ST18: variants seen among roughly 807,000 people sequenced by gnomAD.
The protein encoded by ST18 is ST18 C2H2C-type zinc finger transcription factor.
ST18 carries 50 observed loss-of-function variants against 110.0 expected under a neutral mutation model. That is an observed-to-expected ratio of 0.45 (90% CI 0.36 to 0.58). The LOEUF (loss-of-function observed/expected upper bound fraction) is 0.58, where lower values mean the gene tolerates loss of function less well. Among genes scored for constraint, ST18 ranks in the 20% least tolerant of loss-of-function variants. The pLI, the probability that ST18 is intolerant of heterozygous loss-of-function variation, is 0.00. For synonymous variants in ST18, 461 were observed against 452.4 expected, an observed-to-expected ratio of 1.02 and a Z score of -0.24; for missense variants, 1,306 against 1,280.1, an observed-to-expected ratio of 1.02 and a Z score of -0.31.
chr8:52,272,208 G>A (rs2095097822), intron 2 of ST18, among the ~76,000 whole-genome samples: 1 of 152,062 alleles, frequency 6.6e-6, no homozygotes, highest in African/African-American at 2.4e-5. Flanking sequence ...AAACAAATGA[G>A]ACTAAGTCAA....
chr8:52,296,913 T>C (rs1001567187), intron 2 of ST18, among the ~76,000 whole-genome samples: 9 of 152,174 alleles, frequency 5.9e-5, no homozygotes, highest in African/African-American at 2.2e-4. Context: ...TTTCTAAGTA[T>C]GAATTCCTAA....
chr8:52,334,145 C>T (rs1810960078), intron 2 of ST18, among the ~76,000 whole-genome samples: 1 of 152,182 alleles, frequency 6.6e-6, no homozygotes, highest in Non-Finnish European at 1.5e-5. Flanking sequence ...CCACAGAATC[C>T]CTATTTAGTT....
intron 2 of ST18, among the ~76,000 whole-genome samples, chr8:52,365,429 G>A (rs1827475337): frequency 6.6e-6 from 1 of 152,002 alleles, no homozygotes; most frequent in East Asian, 1.9e-4. Context: ...TAAAAATGAG[G>A]AGTTGAGTTA....
chr8:52,290,839 C>T (rs1042790120), intron 2 of ST18, among the ~76,000 whole-genome samples: 2 of 152,192 alleles, frequency 1.3e-5, no homozygotes, highest in African/African-American at 4.8e-5. Flanking sequence ...CCCTGACTTC[C>T]TCATTACCAC....
chr8:52,329,614 G>A (rs1808202955), intron 2 of ST18, among the ~76,000 whole-genome samples: 1 of 152,122 alleles, frequency 6.6e-6, no homozygotes, highest in East Asian at 1.9e-4. Flanking sequence ...AATTATCCAG[G>A]CATTGTGGTG....
intron 2 of ST18, among the ~76,000 whole-genome samples, chr8:52,339,487 G>A (rs993574708): frequency 1.8e-4 from 28 of 152,186 alleles, no homozygotes; most frequent in African/African-American, 3.6e-4. Context: ...TGCAGGGCAC[G>A]TACAGCAGGG....
At chr8:52,125,232 G>A (rs1374384620) in intron 23 of ST18, among the ~76,000 whole-genome samples, 1 of 152,164 alleles carries the variant, frequency 6.6e-6, no homozygotes, top group Non-Finnish European at 1.5e-5. Context: ...AAATGTAGAT[G>A]TAGGTAAAGA....
chr8:52,379,999 C>T (rs547299002), intron 2 of ST18, among the ~76,000 whole-genome samples: 3 of 152,110 alleles, frequency 2.0e-5, no homozygotes, highest in East Asian at 1.9e-4. Flanking sequence ...TGGTAAAAAG[C>T]GATCTCTCAT....
At chr8:52,228,996 A>C (rs2090457834) in intron 3 of ST18, among the ~76,000 whole-genome samples, 1 of 152,208 alleles carries the variant, frequency 6.6e-6, no homozygotes, top group South Asian at 2.1e-4. Flanking sequence ...ATTTCTGATG[A>C]AGAAGGGGTG....
intron 2 of ST18, among the ~76,000 whole-genome samples, chr8:52,312,974 G>A (rs201522464): frequency 2.6e-5 from 4 of 152,134 alleles, no homozygotes; most frequent in Non-Finnish European, 4.4e-5. Context: ...ACCACAGGAC[G>A]CCAAGTATCT....
intron 2 of ST18, among the ~76,000 whole-genome samples, chr8:52,241,267 A>T (rs754756009): frequency 1.3e-5 from 2 of 152,208 alleles, no homozygotes; most frequent in African/African-American, 4.8e-5. Flanking sequence ...ATGTTTGTTG[A>T]ATGGATGGAT....
At chr8:52,316,060 G>C (rs370225388) in intron 2 of ST18, among the ~76,000 whole-genome samples, 35 of 152,252 alleles carry the variant, frequency 2.3e-4, no homozygotes, top group Middle Eastern at 3.4e-3. Context: ...TAGGTGAAAG[G>C]TATCAATTGT....
intron 2 of ST18, among the ~76,000 whole-genome samples, chr8:52,391,138 G>C (rs1839186160): frequency 6.6e-6 from 1 of 152,152 alleles, no homozygotes; most frequent in Admixed American, 6.5e-5. Flanking sequence ...CTTCCTCCCT[G>C]TCCTACCAGG....
At chr8:52,302,680 C>G (rs922645966) in intron 2 of ST18, among the ~76,000 whole-genome samples, 13 of 152,162 alleles carry the variant, frequency 8.5e-5, no homozygotes, top group Admixed American at 6.5e-5. Context: ...CAAAAGGACA[C>G]GAAGCCAGCT....
At chr8:52,191,263 G>C (rs1247475914) in intron 8 of ST18, among the ~76,000 whole-genome samples, 1 of 152,178 alleles carries the variant, frequency 6.6e-6, no homozygotes, top group African/African-American at 2.4e-5. Context: ...CAGGGGACTG[G>C]AGCAAGGCCA....
chr8:52,304,323 A>T (rs1448455695), intron 2 of ST18, among the ~76,000 whole-genome samples: 1 of 152,192 alleles, frequency 6.6e-6, no homozygotes, highest in African/African-American at 2.4e-5. Context: ...TCAGTGTGTG[A>T]GTACATACAC....
upstream of ST18, chr8:52,409,781 C>T (rs761796002): frequency 1.3e-5 from 2 of 152,276 alleles, no homozygotes; most frequent in East Asian, 1.9e-4. Flanking sequence ...CTGCAACTTG[C>T]TAACTTTGCT....
chr8:52,289,478 A>C (rs1362067796), intron 2 of ST18, among the ~76,000 whole-genome samples: 3 of 152,012 alleles, frequency 2.0e-5, no homozygotes, highest in Non-Finnish European at 4.4e-5. Flanking sequence ...AAACAACAAC[A>C]ACCACCTGGG....
chr8:52,161,584 A>G lies in ST18; in HGVS notation c.1401-16T>C, dbSNP rs1275423659. The G allele has an allele frequency of 6.2e-7, 1 of 1,612,712 alleles. No individual in the cohort carries two copies. The highest frequency in any genetic ancestry group is 8.5e-7 in the Non-Finnish European group (1 of 1,179,310). ...CAAACTTGTCCTGGAGAGGGGGGTG[A>G]AGCAGTTCAAAAGAAATACAATGAA... On this transcript the variant is annotated splice_polypyrimidine_tract_variant and intron_variant, in intron 13 of 25. Coordinates refer to ENST00000689386, the MANE Select transcript of ST18 (RefSeq NM_001352837.2).
Sources: allele counts gnomAD v4.1 joint callset (sites outside exome capture counted in the v4.1 genomes callset), GRCh38; gene constraint gnomAD v4.1.1; transcripts MANE v1.5; gene names NCBI Gene and HGNC (gene_info 2026-07-23, HGNC 2026-07-21).